The following SLC38A11 variants were observed in gnomAD, a reference collection of about 807,000 sequenced individuals.
The protein encoded by SLC38A11 is putative sodium-coupled neutral amino acid transporter 11.
SLC38A11 carries 51 observed loss-of-function variants against 49.4 expected under a neutral mutation model. The observed-to-expected ratio is 1.03, with a 90% CI of 0.83 to 1.30. The LOEUF (loss-of-function observed/expected upper bound fraction) is 1.30, where lower values mean the gene tolerates loss of function less well. SLC38A11 is among the 50% of genes most tolerant of loss of function. SLC38A11 has a pLI of 0.00. For missense variants in SLC38A11, 574 were observed against 556.2 expected (o/e 1.03, Z -0.32); for synonymous variants, 203 against 192.9 (o/e 1.05, Z -0.43).
intron 7 of SLC38A11, among the ~76,000 whole-genome samples, chr2:164,924,625 A>C (rs1335842029): frequency 1.3e-5 from 2 of 152,212 alleles, no homozygotes; most frequent in Non-Finnish European, 2.9e-5. Flanking sequence ...TCATTAAACC[A>C]AAATAAACTC....
chr2:164,908,846 A>C, intron 10 of SLC38A11, 75 bp from the exon 11 acceptor site: 1 of 1,449,092 alleles, frequency 6.9e-7, no homozygotes, highest in Non-Finnish European at 9.3e-7. Flanking sequence ...ATTTTACAAT[A>C]GTATTTAGGA....
intron 9 of SLC38A11, among the ~76,000 whole-genome samples, chr2:164,912,685 CTG>C (rs894432994): frequency 1.7e-4 from 26 of 152,098 alleles, no homozygotes; most frequent in African/African-American, 6.0e-4. Flanking sequence ...TGATTCAAAA[CTG>C]TGAAAATATG....
intron 11 of SLC38A11, among the ~76,000 whole-genome samples, chr2:164,900,980 T>C (rs1684614848): frequency 6.6e-6 from 1 of 152,118 alleles, no homozygotes; most frequent in Non-Finnish European, 1.5e-5. Flanking sequence ...GATTTTTGTG[T>C]ATGGTGTAAG....
At chr2:164,922,268 G>A (rs977061158) in intron 7 of SLC38A11, 2 of 152,090 alleles carry the variant, frequency 1.3e-5, no homozygotes, top group Non-Finnish European at 2.9e-5. Flanking sequence ...ATACAATTCC[G>A]GCAGAGTCTG....
intron 11 of SLC38A11, among the ~76,000 whole-genome samples, 154 bp downstream of exon 11, chr2:164,908,486 A>G (rs1290082106): frequency 1.3e-5 from 2 of 152,174 alleles, no homozygotes; most frequent in African/African-American, 4.8e-5. Context: ...AAGTGCACAG[A>G]ATCATCATTG....
chr2:164,916,655 C>T (rs1165882807), intron 7 of SLC38A11, among the ~76,000 whole-genome samples: 1 of 152,090 alleles, frequency 6.6e-6, no homozygotes, highest in Non-Finnish European at 1.5e-5. Context: ...CCAGGCAGAA[C>T]CATCTGACAG....
chr2:164,937,864 A>G (rs1215536950), intron 6 of SLC38A11, among the ~76,000 whole-genome samples: 2 of 151,088 alleles, frequency 1.3e-5, no homozygotes, highest in African/African-American at 2.4e-5. Context: ...CCAACACCAC[A>G]CACATTCCTC....
rs1574717177 is a variant in SLC38A11 at position 164,898,582 on chromosome 2, A to G, written c.1244T>C (p.Met415Thr). ...GCAGTCTTGAGTATTTGTAATAGCC[A>G]TGACGAATCCAAAAACCATCACCAC... ...GAVVMVFGFV[M>T]AITNTQDCTH... The change falls in exon 12 of 12, where the codon ATG (methionine) becomes ACG (threonine). Residue 415 changes from methionine to threonine, a missense_variant. By Grantham distance (81) the Met-to-Thr change is moderately conservative. Transcript: ENST00000685975. The G allele has an allele frequency of 1.2e-6, 2 of 1,613,666 alleles. No homozygotes were observed. Among genetic ancestry groups the G allele is most frequent in the Non-Finnish European group, 1.7e-6 (2 of 1,179,758 alleles).
intron 11 of SLC38A11, among the ~76,000 whole-genome samples, chr2:164,904,514 C>G (rs1462194803): frequency 6.6e-6 from 1 of 152,072 alleles, no homozygotes; most frequent in African/African-American, 2.4e-5. Context: ...TAGCATTTCC[C>G]TAACCTTGCA....
chr2:164,898,828 T>C, intron 11 of SLC38A11, 98 bp from the exon 12 acceptor site: 2 of 1,148,478 alleles, frequency 1.7e-6, no homozygotes, highest in African/African-American at 3.1e-5. Context: ...TTCATGCACA[T>C]GTTAAACATG....
chr2:164,914,318 T>C (rs1245714435), intron 9 of SLC38A11, among the ~76,000 whole-genome samples: 3 of 151,954 alleles, frequency 2.0e-5, no homozygotes, highest in Admixed American at 2.0e-4. Flanking sequence ...CACTGATGAT[T>C]GAATGTAAGG....
intron 3 of SLC38A11, among the ~76,000 whole-genome samples, chr2:164,948,905 TCA>T (rs1559132344): frequency 3.4e-5 from 5 of 147,860 alleles, no homozygotes; most frequent in Admixed American, 6.8e-5. Flanking sequence ...TTTTTTTTTT[TCA>T]TAAATACTCA....
chr2:164,914,626 G>A (rs191415479), intron 9 of SLC38A11, among the ~76,000 whole-genome samples: 3 of 151,684 alleles, frequency 2.0e-5, no homozygotes, highest in African/African-American at 7.2e-5. Flanking sequence ...GGAGTGGAGT[G>A]GGGGATTAGA....
rs1356830084 is a variant in SLC38A11, at chr2:164,926,325, A to G, written c.618-10352T>C. 2.0e-5 allele frequency among the ~76,000 whole-genome samples: 3 copies of G among 152,192 alleles called. No individual in the cohort carries two copies. In the East Asian group the frequency reaches 5.8e-4, roughly 29 times the overall value. ...CATCTCTGCCAAACTCTCTAGGCTC[A>G]TTTCCTTTTATACACTGGCACAGCT... On this transcript the variant is annotated intron_variant, in intron 7 of 11. Coordinates refer to ENST00000685975, the MANE Select transcript of SLC38A11 (RefSeq NM_001351537.2).
At position 164,898,265 on chromosome 2, in the gene SLC38A11, A is replaced by T. The variant is rs1476822764; in HGVS notation, c.*172T>A. The T allele has an allele frequency of 1.8e-6, 1 of 566,260 alleles. No individual in the cohort carries two copies. The highest frequency in any genetic ancestry group is 2.9e-5 in the East Asian group (1 of 33,990). 35.1% of individuals were successfully genotyped at this position (566,260 alleles called of 1,614,324 possible). A position where few individuals can be genotyped will look rare whatever the true frequency, so the allele number is the denominator to read the frequency against. On this transcript the variant is annotated 3_prime_UTR_variant, in exon 12 of 12. Transcript: ENST00000685975. ...CTTATTTTGTTCCAGTTAAAGGTGA[A>T]ATACATTCAATTTTTCTTTTCTTTA...
intron 7 of SLC38A11, chr2:164,922,432 T>TGAAG (rs1158659967): frequency 6.6e-6 from 1 of 152,322 alleles, no homozygotes; most frequent in Non-Finnish European, 1.5e-5. Flanking sequence ...CTGCATCCAC[T>TGAAG]GAAGGCTCTG....
rs556568327 is a variant in SLC38A11 at position 164,938,292 on chromosome 2, C to A, written c.538-863G>T. ...TAAACAACCTCTCTAAGGCACACAG[C>A]TGGAATGTGGCAGAGAGGGAACTCA... On this transcript the variant is annotated intron_variant, in intron 6 of 11. Coordinates refer to ENST00000685975, the MANE Select transcript of SLC38A11 (RefSeq NM_001351537.2). 2.6e-5 allele frequency among the ~76,000 whole-genome samples: 4 copies of A among 152,254 alleles called. No homozygotes were observed. The East Asian group carries it at 5.8e-4, about 22-fold the overall frequency.
intron 7 of SLC38A11, among the ~76,000 whole-genome samples, chr2:164,918,758 A>C (rs1316244477): frequency 1.3e-5 from 2 of 152,228 alleles, no homozygotes; most frequent in African/African-American, 4.8e-5. Flanking sequence ...ACTGGATACA[A>C]GTTCAATACA....
intron 11 of SLC38A11, among the ~76,000 whole-genome samples, chr2:164,905,119 C>CT (rs71393648): frequency 8.3e-4 from 125 of 150,576 alleles, no homozygotes; most frequent in Middle Eastern, 6.8e-3. Context: ...TATTATTATT[C>CT]TTTTTTTTTA....
Sources: allele counts gnomAD v4.1 joint callset (sites outside exome capture counted in the v4.1 genomes callset), GRCh38; gene constraint gnomAD v4.1.1; transcripts MANE v1.5; gene names NCBI Gene and HGNC (gene_info 2026-07-23, HGNC 2026-07-21).